FBXW4: variants seen among roughly 807,000 people sequenced by gnomAD.
FBXW4 encodes the protein F-box and WD repeat domain containing 4.
FBXW4 carries 40 observed loss-of-function variants against 61.8 expected under a neutral mutation model. That is an observed-to-expected ratio of 0.65 (90% CI 0.50 to 0.84). FBXW4 has a LOEUF of 0.84. FBXW4 is among the 40% of genes least tolerant of loss of function. The probability of loss-of-function intolerance (pLI) is 0.00; values close to 1 mark genes in which losing one functional copy is unlikely to be tolerated. For missense variants in FBXW4, 672 were observed against 753.8 expected (o/e 0.89, Z 1.27); for synonymous variants, 311 against 313.8 (o/e 0.99, Z 0.10).
At chr10:101,688,401 G>A (rs1452608310) in intron 1 of FBXW4, among the ~76,000 whole-genome samples, 2 of 152,192 alleles carry the variant, frequency 1.3e-5, no homozygotes, top group Non-Finnish European at 2.9e-5. Context: ...AAGAGGGGCG[G>A]CAGGCACAGG....
intron 5 of FBXW4, among the ~76,000 whole-genome samples, chr10:101,662,585 A>T (rs913784418): frequency 3.3e-5 from 5 of 152,172 alleles, no homozygotes; most frequent in African/African-American, 1.2e-4. Context: ...AGGGATTAAA[A>T]CCCAAGTGTC....
intron 6 of FBXW4, among the ~76,000 whole-genome samples, chr10:101,614,073 C>G (rs541199323): frequency 3.9e-5 from 6 of 152,230 alleles, no homozygotes; most frequent in African/African-American, 7.2e-5. Flanking sequence ...CCTGGGCAGG[C>G]CAGAGCCCTG....
chr10:101,645,862 A>G (rs2064091587), intron 5 of FBXW4, among the ~76,000 whole-genome samples: 1 of 152,206 alleles, frequency 6.6e-6, no homozygotes, highest in African/African-American at 2.4e-5. Context: ...TGACCTTTGG[A>G]GTCAGATGCC....
At chr10:101,679,199 A>G (rs1005523258) in intron 1 of FBXW4, among the ~76,000 whole-genome samples, 3 of 152,156 alleles carry the variant, frequency 2.0e-5, no homozygotes, top group African/African-American at 7.2e-5. Context: ...ATCCTCCTGC[A>G]TCTGGCCAGC....
intron 5 of FBXW4, among the ~76,000 whole-genome samples, chr10:101,653,727 G>A (rs1024655675): frequency 3.3e-5 from 5 of 152,034 alleles, no homozygotes; most frequent in African/African-American, 7.3e-5. Flanking sequence ...CATTGTTTCC[G>A]CAATTGCACT....
chr10:101,694,916 T>C lies in FBXW4; in HGVS notation c.190A>G (p.Thr64Ala). 8.2e-7 allele frequency: 1 copy of C among 1,224,956 alleles called. No homozygotes were observed. The highest frequency in any genetic ancestry group is 1.0e-6 in the Non-Finnish European group (1 of 983,204). The allele number at this position is 1,224,956 out of a possible 1,614,324, so 75.9% of individuals were successfully genotyped here. A position where few individuals can be genotyped will look rare whatever the true frequency, so the allele number is the denominator to read the frequency against. Residue 64 changes from threonine (T) to alanine (A), a missense_variant, in exon 1 of 9, where the codon ACG (threonine) becomes GCG (alanine). By Grantham distance (58) the Thr-to-Ala change is moderately conservative. This residue lies in a region of FBXW4 where 311 missense variants were observed against 301.1 expected (regional missense o/e 1.03). Coordinates refer to ENST00000331272, the MANE Select transcript of FBXW4 (RefSeq NM_022039.4). The surrounding 1 kb of genome is among the most constrained non-coding windows in gnomAD (Gnocchi z 6.0). ...SGAEGKPGPQ[T>A]AKEAAGPGAD... ...CCCGGCCCGGCTGCCTCCTTCGCCG[T>C]CTGCGGCCCGGGCTTCCCTTCCGCC...
intron 5 of FBXW4, among the ~76,000 whole-genome samples, chr10:101,634,798 AT>A (rs1176592243): frequency 3.3e-5 from 5 of 149,536 alleles, no homozygotes; most frequent in Non-Finnish European, 7.4e-5. Flanking sequence ...TAAGAAAAAA[AT>A]ATAGGAAAAT....
chr10:101,614,975 A>G (rs2063814802), intron 6 of FBXW4, among the ~76,000 whole-genome samples: 1 of 152,162 alleles, frequency 6.6e-6, no homozygotes, highest in Admixed American at 6.5e-5. Context: ...TTGGCCCGAC[A>G]ATAGCCCCAA....
In FBXW4 at chr10:101,694,570, G is replaced by C; in HGVS notation, c.536C>G (p.Ala179Gly). The C allele has an allele frequency of 6.8e-7, 1 of 1,470,012 alleles. No homozygotes were observed. Among genetic ancestry groups the C allele is most frequent in the South Asian group, 1.3e-5 (1 of 75,144 alleles). 91.1% of individuals were successfully genotyped at this position (1,470,012 alleles called of 1,614,324 possible). Residue 179 changes from alanine to glycine, a missense_variant, in exon 1 of 9, where the codon GCG (alanine) becomes GGG (glycine). Ala to Gly is a moderately conservative substitution (Grantham distance 60). Around this residue, in one of 5 missense-constraint regions of FBXW4, gnomAD observed 311 missense variants for 301.1 expected, o/e 1.03. Transcript: ENST00000331272. The surrounding 1 kb of genome is among the most constrained non-coding windows in gnomAD (Gnocchi z 6.0). ...CGGCAGGCGCCAGAGCGCAGGCCCC[G>C]CGGCCGGGCGGGCAGCCGACTCCCG... ...AARESAARPA[A>G]GPALWRLPEE...
chr10:101,633,948 A>AAT (rs1019712911), intron 5 of FBXW4, among the ~76,000 whole-genome samples: 18 of 151,620 alleles, frequency 1.2e-4, no homozygotes, highest in Admixed American at 2.0e-4. Flanking sequence ...TCTACTAAAA[A>AAT]ATATATATAT....
chr10:101,669,824 A>C lies in FBXW4; in HGVS notation c.1141-1844T>G, dbSNP rs11191081. On this transcript the variant is annotated intron_variant, in intron 4 of 8. Coordinates refer to ENST00000331272, the MANE Select transcript of FBXW4 (RefSeq NM_022039.4). Reference sequence around the variant, plus strand: ...GGCTGGAGTGCAGTGGCGCAATATCAGCTCACTGCAAGCTCCGCCTCCTGG... The same window carrying C: ...GGCTGGAGTGCAGTGGCGCAATATCCGCTCACTGCAAGCTCCGCCTCCTGG... 6.4e-4 allele frequency among the ~76,000 whole-genome samples: 96 copies of C among 150,700 alleles called. No homozygotes were observed. In the East Asian group the frequency reaches 0.017, roughly 27 times the overall value.
At chr10:101,691,326 G>A (rs1044656341) in intron 1 of FBXW4, among the ~76,000 whole-genome samples, 15 of 152,002 alleles carry the variant, frequency 9.9e-5, no homozygotes, top group Admixed American at 6.6e-5. Flanking sequence ...GTCCAGAAAC[G>A]GACCACACTG....
intron 5 of FBXW4, among the ~76,000 whole-genome samples, chr10:101,648,880 C>T (rs2064122877): frequency 6.6e-6 from 1 of 152,198 alleles, no homozygotes; most frequent in Non-Finnish European, 1.5e-5. Flanking sequence ...CCCATCCCCA[C>T]CAGAGCTTTT....
At chr10:101,622,770 G>T (rs1011814472) in intron 6 of FBXW4, 1 of 151,356 alleles carries the variant, frequency 6.6e-6, no homozygotes, top group Non-Finnish European at 1.5e-5. Flanking sequence ...CAGATTGGGG[G>T]TAGATATTTG....
chr10:101,641,749 A>T (rs1206216906), intron 5 of FBXW4, among the ~76,000 whole-genome samples: 6 of 152,150 alleles, frequency 3.9e-5, no homozygotes, highest in African/African-American at 1.4e-4. Context: ...TGTAAATCAG[A>T]AATTAGGTAC....
At chr10:101,639,955 C>A (rs538949492) in intron 5 of FBXW4, among the ~76,000 whole-genome samples, 2 of 152,260 alleles carry the variant, frequency 1.3e-5, no homozygotes, top group African/African-American at 4.8e-5. Flanking sequence ...CTGTCACTTA[C>A]AATAAATGTG....
intron 5 of FBXW4, among the ~76,000 whole-genome samples, chr10:101,648,474 T>C (rs2064119243): frequency 6.6e-6 from 1 of 152,200 alleles, no homozygotes; most frequent in Non-Finnish European, 1.5e-5. Context: ...CAGAGTTTTC[T>C]GGGGACTGAT....
chr10:101,639,846 G>A (rs2064035940), intron 5 of FBXW4, among the ~76,000 whole-genome samples: 1 of 152,252 alleles, frequency 6.6e-6, no homozygotes, highest in African/African-American at 2.4e-5. Context: ...AGTCCCAAGG[G>A]TGTATTTCAG....
intron 2 of FBXW4, among the ~76,000 whole-genome samples, chr10:101,674,191 T>C (rs1283823333): frequency 6.6e-6 from 1 of 151,878 alleles, no homozygotes; most frequent in Non-Finnish European, 1.5e-5. Flanking sequence ...TAGACAGGCA[T>C]AGTGGTACAC....
Sources: allele counts gnomAD v4.1 joint callset (sites outside exome capture counted in the v4.1 genomes callset), GRCh38; gene constraint gnomAD v4.1.1; regional missense constraint gnomAD v4.1.1; non-coding constraint Gnocchi (gnomAD v3.1); transcripts MANE v1.5; gene names NCBI Gene and HGNC (gene_info 2026-07-23, HGNC 2026-07-21).